Variants in GPHN observed in about 807,000 individuals in gnomAD.
The protein encoded by GPHN is gephyrin.
In GPHN, 17 loss-of-function variants were observed where a neutral mutation model predicts 95.5. The ratio of observed to expected loss-of-function variants is 0.18; its 90% CI spans 0.12 to 0.27. The LOEUF (loss-of-function observed/expected upper bound fraction) is 0.27, where lower values mean the gene tolerates loss of function less well. Ranked by LOEUF, GPHN falls within the 10% of genes least tolerant of loss-of-function variation. The pLI is 1.00. For missense variants in GPHN, 660 were observed against 978.1 expected (o/e 0.67, Z 4.34); for synonymous variants, 320 against 322.5 (o/e 0.99, Z 0.08).
the GPHN span, among the ~76,000 whole-genome samples, chr14:67,341,992 T>A: frequency 6.6e-6 from 1 of 151,536 alleles, no homozygotes; most frequent in African/African-American, 2.4e-5. Context: ...GGCAGCATGC[T>A]CGTTAAGAGT....
intron 9 of GPHN, among the ~76,000 whole-genome samples, chr14:66,990,384 G>A (rs2071330707): frequency 6.6e-6 from 1 of 152,140 alleles, no homozygotes; most frequent in Non-Finnish European, 1.5e-5. Flanking sequence ...TCAATTAGAT[G>A]AAAGAGTCAG....
At chr14:66,579,987 A>G (rs1462282612) in intron 1 of GPHN, among the ~76,000 whole-genome samples, 1 of 151,848 alleles carries the variant, frequency 6.6e-6, no homozygotes, top group Non-Finnish European at 1.5e-5. Flanking sequence ...AACAAATCGT[A>G]ACACATTTAA....
intron 21 of GPHN, among the ~76,000 whole-genome samples, chr14:67,170,497 G>T (rs1442150004): frequency 6.6e-6 from 1 of 152,216 alleles, no homozygotes; most frequent in East Asian, 1.9e-4. Flanking sequence ...TGACTTTGCA[G>T]ATCTCTTATG....
chr14:66,715,512 T>C (rs116967181), intron 2 of GPHN, among the ~76,000 whole-genome samples: 1,829 of 152,294 alleles, frequency 0.012, 19 homozygotes, highest in Non-Finnish European at 0.018. Flanking sequence ...TTTCCTTTCT[T>C]CTGCTGGTTT....
the GPHN span, among the ~76,000 whole-genome samples, chr14:67,258,386 C>T: frequency 6.6e-6 from 1 of 152,082 alleles, no homozygotes; most frequent in South Asian, 2.1e-4. Flanking sequence ...AATACAAAAA[C>T]TTAGCCGGCT....
chr14:67,593,973 A>G, the GPHN span: 1 of 1,542,984 alleles, frequency 6.5e-7, no homozygotes, highest in African/African-American at 1.4e-5. Context: ...AGCCAGACAC[A>G]GACAGTAAGA....
At chr14:66,916,155 C>T in intron 6 of GPHN, 86 bp downstream of exon 6, 1 of 801,868 alleles carries the variant, frequency 1.2e-6, no homozygotes, top group Non-Finnish European at 2.2e-6. Flanking sequence ...TGGAGCACTC[C>T]ACAAGACTGC....
At chr14:67,627,102 A>G in the GPHN span, among the ~76,000 whole-genome samples, 1 of 152,112 alleles carries the variant, frequency 6.6e-6, no homozygotes, top group East Asian at 1.9e-4. Context: ...CCGAAGGGTG[A>G]TGGGACTGTT....
At chr14:66,884,211 C>G (rs1481098423) in intron 5 of GPHN, among the ~76,000 whole-genome samples, 1 of 152,028 alleles carries the variant, frequency 6.6e-6, no homozygotes, top group Non-Finnish European at 1.5e-5. Flanking sequence ...GGTGCTAACA[C>G]TGTCATTATG....
chr14:67,477,166 C>CAA, the GPHN span, among the ~76,000 whole-genome samples: 1 of 137,132 alleles, frequency 7.3e-6, no homozygotes, highest in Non-Finnish European at 1.6e-5. Context: ...AACTCCATCT[C>CAA]AAAAAAAAAA....
At chr14:67,387,820 A>G in the GPHN span, among the ~76,000 whole-genome samples, 1 of 152,216 alleles carries the variant, frequency 6.6e-6, no homozygotes, top group Admixed American at 6.5e-5. Flanking sequence ...CAAATTGTTT[A>G]ACTTATTGGA....
rs1352910925 is a variant in GPHN at position 67,088,994 on chromosome 14, C to A, written c.1156C>A (p.Arg386=). The stretch of plus-strand genomic sequence containing the variant: ...TTCTCTTCCTTCAGATGGAATGGGG[C>A]GAGTCCTTGCTCAAGATGTATATGC... ...EIINYRDGMG[R]VLAQDVYAKD... The change falls in exon 12 of 23, where the codon CGA becomes AGA. Residue 386 remains arginine (R), a synonymous_variant. Coordinates refer to ENST00000478722, the MANE Select transcript of GPHN (RefSeq NM_020806.5). 1 of 1,588,712 alleles carries A rather than the reference C, an allele frequency of 6.3e-7. No homozygotes were observed. Among genetic ancestry groups the A allele is most frequent in the East Asian group, 2.2e-5 (1 of 44,770 alleles).
chr14:67,017,241 T>C (rs117251197), intron 9 of GPHN, among the ~76,000 whole-genome samples: 1,829 of 152,254 alleles, frequency 0.012, 19 homozygotes, highest in Non-Finnish European at 0.018. Flanking sequence ...TCCTAATTTA[T>C]TCCAAAAAGT....
chr14:67,062,884 G>A (rs2153652154), intron 11 of GPHN, among the ~76,000 whole-genome samples: 1 of 152,268 alleles, frequency 6.6e-6, no homozygotes, highest in Middle Eastern at 3.4e-3. Flanking sequence ...TATTCACTCT[G>A]ATGGTAGTTT....
At chr14:67,619,533 C>T in the GPHN span, among the ~76,000 whole-genome samples, 4 of 152,250 alleles carry the variant, frequency 2.6e-5, no homozygotes, top group Non-Finnish European at 4.4e-5. Context: ...CCCGACCCAG[C>T]CAGCCCATCC....
Position 66,568,898 on chromosome 14 carries a change from T to C in GPHN, c.64+60307T>C, listed in dbSNP as rs182383473. Among the ~76,000 whole-genome samples, 209 of 152,284 alleles carry C rather than the reference T, an allele frequency of 1.4e-3. 1 individual carries two copies. The highest frequency in any genetic ancestry group is 6.8e-3 in the Middle Eastern group (2 of 294). ...AATTATTTTGACAGTCCATCATTTC[T>C]TAAGTTCATAAGCATGTTTATAAAT... On this transcript the variant is annotated intron_variant, in intron 1 of 22. Coordinates refer to ENST00000478722, the MANE Select transcript of GPHN (RefSeq NM_020806.5).
chr14:67,639,331 C>T, the GPHN span, among the ~76,000 whole-genome samples: 1 of 152,120 alleles, frequency 6.6e-6, no homozygotes, highest in Non-Finnish European at 1.5e-5. Flanking sequence ...TGTATTTCTT[C>T]TTGGTCCTAT....
At chr14:67,607,809 A>T in the GPHN span, among the ~76,000 whole-genome samples, 17 of 152,370 alleles carry the variant, frequency 1.1e-4, no homozygotes, top group African/African-American at 3.8e-4. Flanking sequence ...ACTTTAATAG[A>T]AGAAAATGTT....
the GPHN span, chr14:67,571,071 A>G: frequency 6.6e-6 from 1 of 152,422 alleles, no homozygotes; most frequent in African/African-American, 2.4e-5. Flanking sequence ...TCGAAGCACC[A>G]TAACTATTAA....
Sources: gnomAD v4.1 joint callset for allele counts (sites outside exome capture counted in the v4.1 genomes callset) on GRCh38, gnomAD v4.1.1 for gene constraint, MANE v1.5 for transcripts, NCBI Gene and HGNC (gene_info 2026-07-23, HGNC 2026-07-21) for gene names.